The following PHF24 variants were observed in gnomAD, a reference collection of about 807,000 sequenced individuals.
The protein encoded by PHF24 is PHD finger protein 24.
Under a neutral mutation model 42.6 loss-of-function variants are expected in PHF24, and 25 were observed. The observed-to-expected ratio is 0.59, with a 90% CI of 0.43 to 0.82. PHF24 has a LOEUF of 0.82. PHF24 is among the 40% of genes least tolerant of loss of function. PHF24 has a pLI of 0.00. For missense variants in PHF24, 470 were observed against 538.1 expected, an observed-to-expected ratio of 0.87 and a Z score of 1.25; for synonymous variants, 185 against 204.8, an observed-to-expected ratio of 0.90 and a Z score of 0.83.
chr9:34,795,841 A>G, the PHF24 span, among the ~76,000 whole-genome samples: 1 of 152,092 alleles, frequency 6.6e-6, no homozygotes, highest in African/African-American at 2.4e-5. Flanking sequence ...TACAAAAAAT[A>G]AGAAAAGGTA....
At chr9:34,803,494 T>A in the PHF24 span, among the ~76,000 whole-genome samples, 1 of 151,750 alleles carries the variant, frequency 6.6e-6, no homozygotes, top group African/African-American at 2.4e-5. Context: ...AGCAAAGGGG[T>A]GAGGCATGAC....
chr9:34,666,716 G>A, the PHF24 span, among the ~76,000 whole-genome samples: 1 of 152,174 alleles, frequency 6.6e-6, no homozygotes, highest in Non-Finnish European at 1.5e-5. Context: ...GGGAGGCCGA[G>A]GTGGGTGGAT....
chr9:34,691,375 C>T, the PHF24 span: 2 of 501,624 alleles, frequency 4.0e-6, no homozygotes, highest in Non-Finnish European at 7.1e-6. Context: ...TGTTGCCCCC[C>T]TCTTTCTGGC....
chr9:34,828,842 T>G, the PHF24 span, among the ~76,000 whole-genome samples: 1 of 152,072 alleles, frequency 6.6e-6, no homozygotes, highest in Non-Finnish European at 1.5e-5. Context: ...CTTTAGAGTG[T>G]CCTAGCCCAG....
chr9:34,741,329 A>C, the PHF24 span, among the ~76,000 whole-genome samples: 1 of 152,064 alleles, frequency 6.6e-6, no homozygotes, highest in African/African-American at 2.4e-5. Flanking sequence ...AGATTGTTAC[A>C]AGGCAGTATT....
At chr9:34,717,585 C>A in the PHF24 span, among the ~76,000 whole-genome samples, 4 of 152,120 alleles carry the variant, frequency 2.6e-5, no homozygotes, top group African/African-American at 9.7e-5. Flanking sequence ...AGCACACAGC[C>A]ACATTGTTGA....
chr9:34,799,759 G>T, the PHF24 span, among the ~76,000 whole-genome samples: 1 of 152,128 alleles, frequency 6.6e-6, no homozygotes, highest in Non-Finnish European at 1.5e-5. Flanking sequence ...ATCATATCCT[G>T]ATACAATAAG....
At chr9:34,948,007 G>C in the PHF24 span, among the ~76,000 whole-genome samples, 1 of 151,802 alleles carries the variant, frequency 6.6e-6, no homozygotes, top group African/African-American at 2.4e-5. Context: ...TACTCGGGAG[G>C]CTGAGGCAGG....
chr9:34,679,456 C>G, the PHF24 span, among the ~76,000 whole-genome samples: 1 of 152,190 alleles, frequency 6.6e-6, no homozygotes, highest in African/African-American at 2.4e-5. Context: ...AGCATTAAGG[C>G]CCCATTCAGG....
At chr9:34,927,114 G>T in the PHF24 span, among the ~76,000 whole-genome samples, 1 of 152,156 alleles carries the variant, frequency 6.6e-6, no homozygotes, top group Non-Finnish European at 1.5e-5. Flanking sequence ...TCTTGTGGGA[G>T]GGTGCAGAGC....
the PHF24 span, among the ~76,000 whole-genome samples, chr9:34,878,331 T>G: frequency 6.6e-6 from 1 of 152,162 alleles, no homozygotes; most frequent in Admixed American, 6.5e-5. Context: ...TTTCTGCATT[T>G]CCAACTGAGG....
chr9:34,768,402 G>T, the PHF24 span, among the ~76,000 whole-genome samples: 1 of 152,180 alleles, frequency 6.6e-6, no homozygotes, highest in Non-Finnish European at 1.5e-5. Context: ...TATGTAACTA[G>T]CATGGTAGTT....
chr9:34,951,007 C>A, the PHF24 span, among the ~76,000 whole-genome samples: 1 of 152,150 alleles, frequency 6.6e-6, no homozygotes, highest in Non-Finnish European at 1.5e-5. Context: ...GAAATAAGGT[C>A]TGTAGGGCAG....
the PHF24 span, among the ~76,000 whole-genome samples, chr9:34,825,748 G>A: frequency 6.6e-6 from 1 of 152,080 alleles, no homozygotes; most frequent in Non-Finnish European, 1.5e-5. Flanking sequence ...TCTTAGGTTG[G>A]TGCAAAAGTA....
chr9:34,851,299 G>A, the PHF24 span, among the ~76,000 whole-genome samples: 1 of 152,176 alleles, frequency 6.6e-6, no homozygotes, highest in East Asian at 1.9e-4. Flanking sequence ...GCAAGCCTGG[G>A]CAATGGCGGG....
At chr9:34,739,792 T>TGGG in the PHF24 span, among the ~76,000 whole-genome samples, 1 of 152,156 alleles carries the variant, frequency 6.6e-6, no homozygotes. Flanking sequence ...TTGCCGCTGC[T>TGGG]GGCTGGGGCA....
chr9:34,836,184 C>T, the PHF24 span: 7 of 371,142 alleles, frequency 1.9e-5, no homozygotes, highest in Admixed American at 2.2e-4. Flanking sequence ...CATGTCTACT[C>T]CTCTACTTTT....
the PHF24 span, among the ~76,000 whole-genome samples, chr9:34,676,341 T>C: frequency 2.6e-5 from 4 of 152,148 alleles, no homozygotes; most frequent in African/African-American, 9.7e-5. Context: ...CTAGGCACAA[T>C]GGGGAAACCA....
At chr9:34,769,094 G>A in the PHF24 span, among the ~76,000 whole-genome samples, 40 of 152,222 alleles carry the variant, frequency 2.6e-4, no homozygotes, top group African/African-American at 9.1e-4. Context: ...TGAGAAAAAA[G>A]GTAAATCATT....
Sources: allele counts gnomAD v4.1 joint callset (sites outside exome capture counted in the v4.1 genomes callset), GRCh38; gene constraint gnomAD v4.1.1; transcripts MANE v1.5; gene names NCBI Gene and HGNC (gene_info 2026-07-23, HGNC 2026-07-21).